The following NDUFV3 variants were observed in gnomAD, a reference collection of about 807,000 sequenced individuals.
NDUFV3 encodes the protein NADH:ubiquinone oxidoreductase subunit V3.
In NDUFV3, 44 loss-of-function variants were observed where a neutral mutation model predicts 37.5. The observed-to-expected ratio is 1.17, with a 90% CI of 0.92 to 1.51. The LOEUF is 1.51. Among genes scored for constraint, NDUFV3 ranks in the 40% most tolerant of loss-of-function variants. NDUFV3 has a pLI of 0.00. For missense variants in NDUFV3, 580 were observed against 580.4 expected, an observed-to-expected ratio of 1.00 and a Z score of 0.01; for synonymous variants, 235 against 239.3, an observed-to-expected ratio of 0.98 and a Z score of 0.17.
At chr21:42,895,497 A>C (rs2058686491) in intron 1 of NDUFV3, among the ~76,000 whole-genome samples, 2 of 151,976 alleles carry the variant, frequency 1.3e-5, no homozygotes, top group African/African-American at 4.8e-5. Flanking sequence ...ACAAAATACA[A>C]AAACATTAGC....
At chr21:42,908,287 AAC>A (rs1253577732) in intron 3 of NDUFV3, among the ~76,000 whole-genome samples, 1 of 151,960 alleles carries the variant, frequency 6.6e-6, no homozygotes, top group African/African-American at 2.4e-5. Flanking sequence ...CAGCCTAGAC[AAC>A]AGAGTGAGAC....
intron 1 of NDUFV3, among the ~76,000 whole-genome samples, chr21:42,894,785 A>G (rs2058683643): frequency 6.6e-6 from 1 of 151,554 alleles, no homozygotes; most frequent in Non-Finnish European, 1.5e-5. Context: ...ATATGTTCAC[A>G]TAAGCACATG....
At chr21:42,898,390 C>T (rs1386463952) in intron 2 of NDUFV3, among the ~76,000 whole-genome samples, 1 of 152,172 alleles carries the variant, frequency 6.6e-6, no homozygotes, top group Non-Finnish European at 1.5e-5. Context: ...TCAAGCAATC[C>T]TCCCACCTCA....
intron 2 of NDUFV3, among the ~76,000 whole-genome samples, chr21:42,900,997 T>G (rs948264290): frequency 7.2e-5 from 11 of 152,222 alleles, no homozygotes; most frequent in Admixed American, 5.2e-4. Context: ...AATTGTTGAC[T>G]GAGTAATTTC....
intron 3 of NDUFV3, among the ~76,000 whole-genome samples, chr21:42,905,172 C>T (rs1042088104): frequency 6.6e-6 from 1 of 152,214 alleles, no homozygotes; most frequent in Admixed American, 6.5e-5. Context: ...GGCAGCTTAA[C>T]ATTGTCACCA....
intron 2 of NDUFV3, among the ~76,000 whole-genome samples, chr21:42,900,376 G>A (rs1465821419): frequency 2.6e-5 from 4 of 151,732 alleles, no homozygotes; most frequent in Non-Finnish European, 4.4e-5. Context: ...GGTGGCGGAC[G>A]CCTGTAATCC....
chr21:42,894,413 A>G (rs1358110977), intron 1 of NDUFV3, among the ~76,000 whole-genome samples: 3 of 48,354 alleles, frequency 6.2e-5, no homozygotes, highest in African/African-American at 4.3e-4. Flanking sequence ...TATATAATAT[A>G]TAATATATTA....
Position 42,902,944 on chromosome 21 carries a change from T to C in NDUFV3, c.170-238T>C, listed in dbSNP as rs1215389813. Among the ~76,000 whole-genome samples the C allele has an allele frequency of 2.0e-5, 3 of 149,396 alleles. No homozygotes were observed. In the Admixed American group the frequency reaches 2.1e-4, roughly 11 times the overall value. On this transcript the variant is annotated intron_variant, in intron 2 of 3. Transcript: ENST00000354250. ...AAATGCCATGTAAATAGTTGTTGTA[T>C]TGTTTAGGGAATAATGTCAAGGAAA...
chr21:42,898,934 G>A (rs1462616879), intron 2 of NDUFV3, among the ~76,000 whole-genome samples: 2 of 152,238 alleles, frequency 1.3e-5, no homozygotes, highest in Non-Finnish European at 1.5e-5. Flanking sequence ...TATCATGGCA[G>A]AGCCAAAGAG....
At position 42,903,760 on chromosome 21, in the gene NDUFV3, C is replaced by A; in HGVS notation, c.748C>A (p.Pro250Thr). ...RENARPKTTM[P>T]RSQVDEEFLK... is the part of the protein sequence containing the mutation. ...AAATGCGAGACCAAAAACCACAATG[C>A]CCAGATCTCAAGTAGATGAAGAGTT... Residue 250 changes from proline to threonine, a missense_variant, in exon 3 of 4, where the codon CCC becomes ACC. By Grantham distance (38) the Pro-to-Thr change is conservative. Coordinates refer to ENST00000354250, the MANE Select transcript of NDUFV3 (RefSeq NM_021075.4). 1 of 1,614,090 alleles carries A rather than the reference C, an allele frequency of 6.2e-7. No individual in the cohort carries two copies. The highest frequency in any genetic ancestry group is 8.5e-7 in the Non-Finnish European group (1 of 1,180,030).
chr21:42,905,929 TC>T (rs1487035241), intron 3 of NDUFV3, among the ~76,000 whole-genome samples: 1 of 151,052 alleles, frequency 6.6e-6, no homozygotes. Context: ...AGTGGCGCAA[TC>T]TTGGCTCACT....
chr21:42,898,994 C>T (rs942174004), intron 2 of NDUFV3, among the ~76,000 whole-genome samples: 4 of 152,186 alleles, frequency 2.6e-5, no homozygotes, highest in Non-Finnish European at 5.9e-5. Context: ...CGGAGTGCTT[C>T]ATTCTGTGGC....
rs562094218 is a variant in NDUFV3, at chr21:42,912,891, C to CA, written c.*3882dup. 19,202 of 120,710 alleles carry CA rather than the reference C, an allele frequency of 0.16. 1,728 individuals are homozygous for CA. The highest frequency in any genetic ancestry group is 0.21 in the Non-Finnish European group (12,401 of 57,686). The allele number at this position is 120,710 out of a possible 1,614,324, so 7.5% of individuals were successfully genotyped here. Reference sequence around the variant, plus strand: ...TGGGCGAAAGAGCAAGACTCCGTCTCAAAAAAAAAAAACAAAAAAAAAATT... The same window carrying CA: ...TGGGCGAAAGAGCAAGACTCCGTCTCAAAAAAAAAAAAACAAAAAAAAAATT... On this transcript the variant is annotated 3_prime_UTR_variant, in exon 4 of 4. Transcript: ENST00000354250.
chr21:42,894,526 A>AT (rs2058682066), intron 1 of NDUFV3, among the ~76,000 whole-genome samples: 2 of 92,480 alleles, frequency 2.2e-5, no homozygotes, highest in Non-Finnish European at 3.9e-5. Flanking sequence ...TATTATATAT[A>AT]ATATATATCA....
rs897401949 is a variant in NDUFV3, at chr21:42,912,186, G to A, written c.*3165G>A. The A allele has an allele frequency of 1.3e-5, 2 of 152,160 alleles. No homozygotes were observed. The highest frequency in any genetic ancestry group is 2.1e-4 in the South Asian group (1 of 4,818). 9.4% of individuals were successfully genotyped at this position (152,160 alleles called of 1,614,324 possible). On this transcript the variant is annotated 3_prime_UTR_variant, in exon 4 of 4. Coordinates refer to ENST00000354250, the MANE Select transcript of NDUFV3 (RefSeq NM_021075.4). ...ACCCAGGAGGCAGAGGCTGCAGTGA[G>A]TGGAGATTGCAGCATCGCACTACAG...
At chr21:42,894,371 T>TATATA (rs59005349) in intron 1 of NDUFV3, among the ~76,000 whole-genome samples, 1 of 22,970 alleles carries the variant, frequency 4.4e-5, no homozygotes, top group Non-Finnish European at 7.1e-5. Context: ...TATATATATA[T>TATATA]TTATATAATA....
intron 3 of NDUFV3, among the ~76,000 whole-genome samples, chr21:42,908,259 G>A (rs1481415498): frequency 6.6e-6 from 1 of 151,778 alleles, no homozygotes; most frequent in South Asian, 2.1e-4. Flanking sequence ...AGTGAGCTGA[G>A]ATCGCACCGC....
intron 2 of NDUFV3, among the ~76,000 whole-genome samples, chr21:42,899,723 G>A (rs1338010155): frequency 6.6e-6 from 1 of 152,070 alleles, no homozygotes; most frequent in Non-Finnish European, 1.5e-5. Context: ...GATTACAGGC[G>A]TGAGCCACTG....
intron 3 of NDUFV3, among the ~76,000 whole-genome samples, chr21:42,908,307 CA>C (rs796636310): frequency 1.0e-4 from 14 of 140,312 alleles, no homozygotes; most frequent in South Asian, 2.2e-4. Context: ...GACTCCATCT[CA>C]AAAAAAAAAA....
Sources: allele counts gnomAD v4.1 joint callset (sites outside exome capture counted in the v4.1 genomes callset), GRCh38; gene constraint gnomAD v4.1.1; transcripts MANE v1.5; gene names NCBI Gene and HGNC (gene_info 2026-07-23, HGNC 2026-07-21).